The following UBE2F variants were observed in gnomAD, a reference collection of about 807,000 sequenced individuals.
UBE2F encodes NEDD8-conjugating enzyme UBE2F.
In UBE2F, 5 loss-of-function variants were observed where a neutral mutation model predicts 29.6. The ratio of observed to expected loss-of-function variants is 0.17; its 90% CI spans 0.09 to 0.36. UBE2F has a LOEUF of 0.36. Among genes scored for constraint, UBE2F ranks in the 10% least tolerant of loss-of-function variants. The pLI is 1.00. For synonymous variants in UBE2F, 66 were observed against 81.8 expected (o/e 0.81, Z 1.04); for missense variants, 141 against 228.5 (o/e 0.62, Z 2.47).
In UBE2F at chr2:237,967,285, C is replaced by T. The variant is rs1002383097; in HGVS notation, c.-17+153C>T. ...CGGGGGCCTGGCGGGCGCGGGCACC[C>T]GGACGCGAGGCCGAGCGGCGTGAAT... On this transcript the variant is annotated intron_variant, in intron 1 of 9. Transcript: ENST00000272930. This position sits in a 1 kb window ranked among gnomAD's most constrained non-coding sequence, Gnocchi z 6.3. Among the ~76,000 whole-genome samples, 112 of 146,274 alleles carry T rather than the reference C, an allele frequency of 7.7e-4. No homozygotes were observed. Among genetic ancestry groups the T allele is most frequent in the African/African-American group, 2.7e-3 (109 of 40,920 alleles).
chr2:237,975,283 AT>A (rs1370208776), intron 2 of UBE2F, among the ~76,000 whole-genome samples: 2 of 149,374 alleles, frequency 1.3e-5, no homozygotes, highest in Non-Finnish European at 3.0e-5. Context: ...TTTATTTTTT[AT>A]TTTTTTGTAG....
intron 2 of UBE2F, among the ~76,000 whole-genome samples, chr2:237,979,784 A>G (rs930232687): frequency 2.0e-5 from 3 of 152,220 alleles, no homozygotes; most frequent in Admixed American, 6.5e-5. Flanking sequence ...AGTTGACATC[A>G]TCTGCATTTG....
intron 4 of UBE2F, among the ~76,000 whole-genome samples, chr2:237,995,673 C>G (rs917854874): frequency 6.6e-6 from 1 of 152,110 alleles, no homozygotes; most frequent in African/African-American, 2.4e-5. Flanking sequence ...AAATAAGTCC[C>G]GGCCTTGTCT....
intron 4 of UBE2F, among the ~76,000 whole-genome samples, chr2:238,003,191 G>GTT (rs34307842): frequency 1.4e-4 from 20 of 147,186 alleles, no homozygotes; most frequent in East Asian, 7.9e-4. Flanking sequence ...AAGAAGCACA[G>GTT]TTTTTTTTTT....
intron 4 of UBE2F, among the ~76,000 whole-genome samples, chr2:238,000,345 C>G (rs1403315090): frequency 1.3e-5 from 2 of 152,006 alleles, no homozygotes; most frequent in Non-Finnish European, 2.9e-5. Context: ...TTTTACTTTA[C>G]TTTTTCTAGC....
rs2063079205 is a variant in UBE2F at position 237,967,446 on chromosome 2, A to C, written c.-17+314A>C. On this transcript the variant is annotated intron_variant, in intron 1 of 9. Transcript: ENST00000272930. This position sits in a 1 kb window ranked among gnomAD's most constrained non-coding sequence, Gnocchi z 6.3. ...CGGCCCGCGCCGAGCACCTGGTGTG[A>C]ACCAGGCCCTGGGCCGAGCGTGGCA... Among the ~76,000 whole-genome samples the C allele has an allele frequency of 1.3e-5, 2 of 151,856 alleles. No individual in the cohort carries two copies. The highest frequency in any genetic ancestry group is 2.9e-5 in the Non-Finnish European group (2 of 67,902).
chr2:238,033,217 C>T (rs1383237634), intron 8 of UBE2F, among the ~76,000 whole-genome samples: 3 of 152,364 alleles, frequency 2.0e-5, no homozygotes, highest in Admixed American at 1.3e-4. Flanking sequence ...CTGAAGTTTG[C>T]TGTTCTCAGG....
At position 237,990,805 on chromosome 2, in the gene UBE2F, T is replaced by C. The variant is rs79305785; in HGVS notation, c.148+2813T>C. Among the ~76,000 whole-genome samples, 648 of 150,650 alleles carry C rather than the reference T, an allele frequency of 4.3e-3. 3 individuals are homozygous for C. The highest frequency in any genetic ancestry group is 0.014 in the African/African-American group (578 of 41,054). ...AATTATTATTATTTTTTTGTAGAGA[T>C]GGAGTCTCCTGTGTTGCCCAGGCTG... On this transcript the variant is annotated intron_variant, in intron 3 of 9. Transcript: ENST00000272930.
At chr2:238,019,848 C>T (rs553814824) in intron 5 of UBE2F, among the ~76,000 whole-genome samples, 4 of 151,940 alleles carry the variant, frequency 2.6e-5, no homozygotes, top group East Asian at 3.9e-4. Flanking sequence ...TTAGTAGAGA[C>T]GGGGTTTCAC....
At chr2:238,034,163 G>A (rs141970238) in intron 8 of UBE2F, among the ~76,000 whole-genome samples, 2 of 152,032 alleles carry the variant, frequency 1.3e-5, no homozygotes, top group African/African-American at 2.4e-5. Context: ...AGTGACTCAC[G>A]CCTGTACTCC....
chr2:237,977,545 G>A (rs2063306062), intron 2 of UBE2F, among the ~76,000 whole-genome samples: 1 of 152,140 alleles, frequency 6.6e-6, no homozygotes, highest in Non-Finnish European at 1.5e-5. Context: ...CATGCTTGTG[G>A]GGTCCGCCCC....
At chr2:238,016,681 G>T in intron 5 of UBE2F, 48 bp downstream of exon 5, 1 of 1,559,612 alleles carries the variant, frequency 6.4e-7, no homozygotes, top group South Asian at 1.2e-5. Context: ...GGGCGGGGCT[G>T]CCTGTGGCTG....
At chr2:238,007,644 G>A (rs1018824304) in intron 4 of UBE2F, among the ~76,000 whole-genome samples, 1 of 151,906 alleles carries the variant, frequency 6.6e-6, no homozygotes, top group African/African-American at 2.4e-5. Context: ...TGGTTTTTCT[G>A]TTTTGGTCTG....
chr2:238,005,386 A>G (rs1052869016), intron 4 of UBE2F, among the ~76,000 whole-genome samples: 20 of 152,000 alleles, frequency 1.3e-4, no homozygotes, highest in African/African-American at 4.8e-4. Flanking sequence ...TTGTAGAGAC[A>G]GGGTTTCACC....
chr2:237,982,279 G>A lies in UBE2F; in HGVS notation c.119-5684G>A, dbSNP rs768585138. On this transcript the variant is annotated intron_variant, in intron 2 of 9. Coordinates refer to ENST00000272930, the MANE Select transcript of UBE2F (RefSeq NM_080678.3). This position sits in a 1 kb window ranked among gnomAD's most constrained non-coding sequence, Gnocchi z 4.1. ...CTCTTGCTCCCGCACCCCTATCCCC[G>A]TAGGAGAAGGGGCCTGGCTCTGTTG... is the stretch of plus-strand genomic sequence containing the variant. 6.6e-5 allele frequency among the ~76,000 whole-genome samples: 10 copies of A among 152,006 alleles called. No homozygotes were observed. Among genetic ancestry groups the A allele is most frequent in the African/African-American group, 9.7e-5 (4 of 41,398 alleles).
chr2:237,978,352 G>T (rs1047253231), intron 2 of UBE2F, among the ~76,000 whole-genome samples: 3 of 152,212 alleles, frequency 2.0e-5, no homozygotes, highest in African/African-American at 7.2e-5. Context: ...CAGTAGGGCT[G>T]AGCTTATAGG....
rs972059707 is a variant in UBE2F, at chr2:237,984,871, C to A, written c.119-3092C>A. Among the ~76,000 whole-genome samples, 14 of 152,148 alleles carry A rather than the reference C, an allele frequency of 9.2e-5. 1 individual carries two copies. In the South Asian group the frequency reaches 2.9e-3, roughly 32 times the overall value. On this transcript the variant is annotated intron_variant, in intron 2 of 9. Coordinates refer to ENST00000272930, the MANE Select transcript of UBE2F (RefSeq NM_080678.3). ...GATTGCTCATTATAACCTCAAACTC[C>A]TAGGTTCAAGTGACCTTCCCACCTC...
At chr2:237,973,609 A>G (rs1354775008) in intron 2 of UBE2F, 1 of 1,209,074 alleles carries the variant, frequency 8.3e-7, no homozygotes, top group African/African-American at 1.6e-5. Context: ...GAAGGAGTCA[A>G]ATTTTGTAAT....
chr2:237,992,558 C>G (rs1302176468), intron 3 of UBE2F, among the ~76,000 whole-genome samples: 1 of 152,206 alleles, frequency 6.6e-6, no homozygotes, highest in African/African-American at 2.4e-5. Context: ...ACCCCACTAT[C>G]AGTCCTGTGT....
Sources: allele counts gnomAD v4.1 joint callset (sites outside exome capture counted in the v4.1 genomes callset), GRCh38; gene constraint gnomAD v4.1.1; non-coding constraint Gnocchi (gnomAD v3.1); transcripts MANE v1.5; gene names NCBI Gene and HGNC (gene_info 2026-07-23, HGNC 2026-07-21).